C3: variants seen among roughly 807,000 people sequenced by gnomAD.
C3 encodes the protein C3 and PZP-like alpha-2-macroglobulin domain-containing protein 1.
Under a neutral mutation model 207.9 loss-of-function variants are expected in C3, and 97 were observed. The observed-to-expected ratio is 0.47, with a 90% CI of 0.40 to 0.55. The LOEUF (loss-of-function observed/expected upper bound fraction) is 0.55, where lower values mean the gene tolerates loss of function less well. Ranked by LOEUF, C3 falls within the 20% of genes least tolerant of loss-of-function variation. The pLI is 0.00. For missense variants in C3, 1,684 were observed against 2,171.7 expected (o/e 0.78, Z 4.46); for synonymous variants, 848 against 857.6 (o/e 0.99, Z 0.20).
At chr19:6,710,894 C>T (rs756421223) in intron 12 of C3, 49 bp from the exon 13 acceptor site, 23 of 1,603,852 alleles carry the variant, frequency 1.4e-5, no homozygotes, top group East Asian at 8.9e-5. Context: ...TGGCAGGGAA[C>T]GCAGGGAGGG....
intron 9 of C3, 35 bp downstream of exon 9, chr19:6,713,154 G>A: frequency 6.2e-7 from 1 of 1,613,078 alleles, no homozygotes; most frequent in Non-Finnish European, 8.5e-7. Flanking sequence ...GGCCCACTTG[G>A]TGGTCCTGAG....
intron 27 of C3, among the ~76,000 whole-genome samples, chr19:6,687,691 A>T (rs1463760592): frequency 6.7e-6 from 1 of 150,138 alleles, no homozygotes; most frequent in Non-Finnish European, 1.5e-5. Context: ...TATTTTCACT[A>T]TACAGATCCA....
intron 14 of C3, 56 bp downstream of exon 14, chr19:6,709,599 TGCCCTCTCCAGTCCCACCCACCTCCCCCA>T: frequency 7.1e-7 from 1 of 1,408,404 alleles, no homozygotes; most frequent in Non-Finnish European, 1.0e-6. Context: ...CCCACTGCAC[TGCCCTCTCCAGTCCCACCCACCTCCCCCA>T]GCCCCAGCTC....
At chr19:6,679,748 C>T (rs769354062) in intron 36 of C3, among the ~76,000 whole-genome samples, 32 of 152,012 alleles carry the variant, frequency 2.1e-4, no homozygotes, top group Non-Finnish European at 4.3e-4. Context: ...TCCTGGGACA[C>T]GCAGGCCTCC....
In C3 at chr19:6,686,916, G is replaced by A. The variant is rs1918023816; in HGVS notation, c.3490-14C>T. 6.2e-7 allele frequency: 1 copy of A among 1,613,962 alleles called. No individual in the cohort carries two copies. Among genetic ancestry groups the A allele is most frequent in the Non-Finnish European group, 8.5e-7 (1 of 1,179,884 alleles). On this transcript the variant is annotated splice_polypyrimidine_tract_variant and intron_variant, in intron 27 of 40. Coordinates refer to ENST00000245907, the MANE Select transcript of C3 (RefSeq NM_000064.4). ...GCCTGGCAGGCTCTATGAGAAAGAG[G>A]ATCAGATTCTCCGGTCATGTGGGCA...
chr19:6,686,887 T>A lies in C3; in HGVS notation c.3505A>T (p.Ile1169Phe). 1 of 1,614,210 alleles carries A rather than the reference T, an allele frequency of 6.2e-7. No individual in the cohort carries two copies. Among genetic ancestry groups the A allele is most frequent in the Non-Finnish European group, 8.5e-7 (1 of 1,180,028 alleles). ...TCAAGGAAGTCTCCTGCTTTAGTGA[T>A]GCTGCCTGGCAGGCTCTATGAGAAA... ...EEQVNSLPGS[I>F]TKAGDFLEAN... Residue 1169 changes from isoleucine to phenylalanine, a missense_variant, in exon 28 of 41, where the codon ATC (isoleucine) becomes TTC (phenylalanine). This residue lies in a region of C3 where 1,280 missense variants were observed against 1,739.1 expected (regional missense o/e 0.74). Transcript: ENST00000245907.
In C3 at chr19:6,707,233, G is replaced by A. The variant is rs745410373; in HGVS notation, c.2088C>T (p.Asp696=). ...ACCTCATGGGGTTCTCCCGCATGCC[G>A]TCCTCGCAGCACTTGCGCAGCTCCT... The part of the protein sequence containing the change: ...YPKELRKCCE[D]GMRENPMRFS... The change falls in exon 17 of 41, where the codon GAC becomes GAT. Residue 696 remains aspartate, a synonymous_variant. Coordinates refer to ENST00000245907, the MANE Select transcript of C3 (RefSeq NM_000064.4). 4.3e-6 allele frequency: 7 copies of A among 1,613,156 alleles called. No individual in the cohort carries two copies. Among genetic ancestry groups the A allele is most frequent in the South Asian group, 2.2e-5 (2 of 90,968 alleles).
chr19:6,696,084 G>GACGC (rs1967525674), intron 23 of C3, among the ~76,000 whole-genome samples: 1 of 150,716 alleles, frequency 6.6e-6, no homozygotes, highest in Non-Finnish European at 1.5e-5. Flanking sequence ...GTGGCGGGTG[G>GACGC]CTGTAGTCCC....
rs74722736 is a variant in C3 at position 6,684,587 on chromosome 19, C to A, written c.4093G>T (p.Val1365Phe). Residue 1365 changes from valine to phenylalanine, a missense_variant, in exon 32 of 41, where the codon GTC becomes TTC. By Grantham distance (50) the Val-to-Phe change is conservative (BLOSUM62 -1). Transcript: ENST00000245907. The part of the protein sequence containing the change: ...QLTCNKFDLK[V>F]TIKPAPETEK... ...GTTTCCGGTGCTGGTTTTATGGTGA[C>A]CTTGAGGTCGAATTTATTACAGGTG... The A allele has an allele frequency of 3.7e-6, 6 of 1,614,038 alleles. No individual in the cohort carries two copies. Among genetic ancestry groups the A allele is most frequent in the Non-Finnish European group, 5.1e-6 (6 of 1,179,954 alleles).
intron 14 of C3, among the ~76,000 whole-genome samples, chr19:6,708,440 T>C (rs1379867364): frequency 6.6e-6 from 1 of 152,038 alleles, no homozygotes; most frequent in Non-Finnish European, 1.5e-5. Context: ...TGAGCCACCA[T>C]GCCCGGCCTT....
Position 6,677,777 on chromosome 19 carries a change from G to T in C3, c.*105C>A. 2 of 1,391,390 alleles carry T rather than the reference G, an allele frequency of 1.4e-6. No homozygotes were observed. Among genetic ancestry groups the T allele is most frequent in the Non-Finnish European group, 2.0e-6 (2 of 994,746 alleles). 86.2% of individuals were successfully genotyped at this position (1,391,390 alleles called of 1,614,324 possible). A position where few individuals can be genotyped will look rare whatever the true frequency, so the allele number is the denominator to read the frequency against. Reference sequence around the variant, plus strand: ...GTTTCAAGTAGGATGGAGCTGAGCTGCAGGTGAGGCGGCTGGGGATTTCAG... The same window carrying T: ...GTTTCAAGTAGGATGGAGCTGAGCTTCAGGTGAGGCGGCTGGGGATTTCAG... On this transcript the variant is annotated 3_prime_UTR_variant, in exon 41 of 41. Transcript: ENST00000245907.
chr19:6,696,749 C>G, intron 21 of C3, 90 bp from the exon 22 acceptor site: 1 of 1,317,220 alleles, frequency 7.6e-7, no homozygotes, highest in Non-Finnish European at 1.1e-6. Flanking sequence ...TCCTTAGGAT[C>G]ACCCTAGCAT....
chr19:6,694,299 A>C (rs1395082464), intron 24 of C3, 132 bp downstream of exon 24: 1 of 785,108 alleles, frequency 1.3e-6, no homozygotes, highest in African/African-American at 1.7e-5. Context: ...TGGGGCCTCA[A>C]ATGAGGGGAG....
chr19:6,696,186 G>A (rs543346968), intron 23 of C3, among the ~76,000 whole-genome samples, 193 bp downstream of exon 23: 213 of 149,536 alleles, frequency 1.4e-3, no homozygotes, highest in Non-Finnish European at 1.9e-3. Flanking sequence ...CTCCAGCCTG[G>A]GTGACAGAGC....
chr19:6,696,720 G>A, intron 21 of C3, 61 bp from the exon 22 acceptor site: 4 of 1,496,996 alleles, frequency 2.7e-6, no homozygotes, highest in South Asian at 1.1e-5. Flanking sequence ...CAGACACACA[G>A]ATGGTCAGCA....
rs1162048239 is a variant in C3, at chr19:6,694,554, C to T, written c.3031G>A (p.Gly1011Arg). ...GTCATGCCGATCATGTTCTGTTCCCCGCAGCCCGAGGGGGTCACAATGAGG... is the reference window on the plus strand; with the variant it reads ...GTCATGCCGATCATGTTCTGTTCCCTGCAGCCCGAGGGGGTCACAATGAGG... ...KHLIVTPSGC[G>R]EQNMIGMTPT... The change falls in exon 24 of 41, where the codon GGG becomes AGG. Residue 1011 changes from glycine (G) to arginine (R), a missense_variant. This residue lies in a region of C3 where 1,280 missense variants were observed against 1,739.1 expected (regional missense o/e 0.74). Coordinates refer to ENST00000245907, the MANE Select transcript of C3 (RefSeq NM_000064.4). 6 of 1,613,986 alleles carry T rather than the reference C, an allele frequency of 3.7e-6. No homozygotes were observed. The highest frequency in any genetic ancestry group is 2.2e-5 in the East Asian group (1 of 44,894).
chr19:6,715,606 C>T (rs1429838736), intron 4 of C3, among the ~76,000 whole-genome samples: 1 of 150,482 alleles, frequency 6.6e-6, no homozygotes, highest in Non-Finnish European at 1.5e-5. Flanking sequence ...ATATAAAAAT[C>T]TGTTTTTTTT....
At chr19:6,688,951 C>G (rs1001823362) in intron 27 of C3, among the ~76,000 whole-genome samples, 2 of 152,168 alleles carry the variant, frequency 1.3e-5, no homozygotes, top group African/African-American at 4.8e-5. Context: ...CGGCCCTAAC[C>G]TTGATCTGAT....
At chr19:6,689,820 A>G (rs1344050166) in intron 27 of C3, among the ~76,000 whole-genome samples, 2 of 152,172 alleles carry the variant, frequency 1.3e-5, no homozygotes, top group South Asian at 2.1e-4. Flanking sequence ...CATGTCTACT[A>G]AAAAGACAAA....
Sources: allele counts gnomAD v4.1 joint callset (sites outside exome capture counted in the v4.1 genomes callset), GRCh38; gene constraint gnomAD v4.1.1; regional missense constraint gnomAD v4.1.1; transcripts MANE v1.5; gene names NCBI Gene and HGNC (gene_info 2026-07-23, HGNC 2026-07-21).